Variants in PLCL1 observed in about 807,000 individuals in gnomAD.
PLCL1 encodes the protein inactive phospholipase C-like protein 1.
PLCL1 carries 41 observed loss-of-function variants against 84.4 expected under a neutral mutation model. That is an observed-to-expected ratio of 0.49 (90% CI 0.38 to 0.63). The LOEUF is 0.63. PLCL1 is among the 30% of genes least tolerant of loss of function. PLCL1 has a pLI of 0.00. For missense variants in PLCL1, 1,206 were observed against 1,367.8 expected (o/e 0.88, Z 1.87); for synonymous variants, 490 against 488.3 (o/e 1.00, Z -0.05).
chr2:197,988,393 A>C (rs1302769098), intron 1 of PLCL1, among the ~76,000 whole-genome samples: 1 of 152,012 alleles, frequency 6.6e-6, no homozygotes, highest in African/African-American at 2.4e-5. Context: ...CTTCCTTCTC[A>C]TTCTGTGTCC....
chr2:197,868,981 T>A (rs1047647483), intron 1 of PLCL1, among the ~76,000 whole-genome samples: 1 of 152,188 alleles, frequency 6.6e-6, no homozygotes, highest in Admixed American at 6.5e-5. Flanking sequence ...AGTCACATTT[T>A]AACTTAAAAA....
chr2:198,020,346 C>A (rs1691102294), intron 1 of PLCL1, among the ~76,000 whole-genome samples: 1 of 152,080 alleles, frequency 6.6e-6, no homozygotes, highest in African/African-American at 2.4e-5. Context: ...GGAAAATAAC[C>A]AGCTAGCATT....
chr2:198,011,053 G>A (rs532063687), intron 1 of PLCL1, among the ~76,000 whole-genome samples: 2 of 150,874 alleles, frequency 1.3e-5, no homozygotes, highest in South Asian at 4.2e-4. Context: ...CAATTTTGTT[G>A]TTTTTTTGGG....
At chr2:198,142,159 T>G (rs560421915) in intron 5 of PLCL1, among the ~76,000 whole-genome samples, 2 of 152,144 alleles carry the variant, frequency 1.3e-5, no homozygotes, top group Non-Finnish European at 2.9e-5. Flanking sequence ...TGCATTTTTT[T>G]GGTAAAAATG....
At chr2:197,948,033 C>A (rs1467313405) in intron 1 of PLCL1, among the ~76,000 whole-genome samples, 1 of 152,086 alleles carries the variant, frequency 6.6e-6, no homozygotes, top group African/African-American at 2.4e-5. Context: ...GTGAGGAGAA[C>A]AGTCAGAAAA....
At chr2:198,058,716 T>C (rs1692122661) in intron 1 of PLCL1, among the ~76,000 whole-genome samples, 1 of 152,070 alleles carries the variant, frequency 6.6e-6, no homozygotes, top group African/African-American at 2.4e-5. Context: ...CTTATCCAAA[T>C]ATGTGTCTTA....
intron 3 of PLCL1, among the ~76,000 whole-genome samples, chr2:198,094,818 G>A (rs1693153410): frequency 6.6e-6 from 1 of 152,102 alleles, no homozygotes; most frequent in Non-Finnish European, 1.5e-5. Context: ...CTTACGGGCA[G>A]CCCTGTTTAC....
intron 1 of PLCL1, among the ~76,000 whole-genome samples, chr2:197,889,093 T>G (rs150008419): frequency 2.8e-4 from 43 of 152,304 alleles, no homozygotes; most frequent in African/African-American, 1.0e-3. Flanking sequence ...GCTTTAAAAA[T>G]TTTTGATCTG....
At chr2:198,094,758 A>G (rs1693149546) in intron 3 of PLCL1, among the ~76,000 whole-genome samples, 2 of 152,132 alleles carry the variant, frequency 1.3e-5, no homozygotes, top group Non-Finnish European at 2.9e-5. Flanking sequence ...CAGAGGGTTC[A>G]CCAAGTCTGG....
chr2:198,043,021 A>G (rs779397629), intron 1 of PLCL1, among the ~76,000 whole-genome samples: 2 of 152,200 alleles, frequency 1.3e-5, no homozygotes, highest in African/African-American at 2.4e-5. Context: ...AATGATTTCC[A>G]AGAGAGGATA....
chr2:198,086,245 C>G lies in PLCL1; in HGVS notation c.2715+13C>G. On this transcript the variant is annotated intron_variant, in intron 2 of 5. Transcript: ENST00000428675. ...AGAAAATATGCAGGTAGGAGAAACA[C>G]TCACACTCTCCTTCCCTATCCCTGC... is the stretch of plus-strand genomic sequence containing the variant. 7.2e-7 allele frequency: 1 copy of G among 1,379,860 alleles called. No individual in the cohort carries two copies. Among genetic ancestry groups the G allele is most frequent in the Non-Finnish European group, 9.9e-7 (1 of 1,008,052 alleles). The allele number at this position is 1,379,860 out of a possible 1,614,324, so 85.5% of individuals were successfully genotyped here.
chr2:198,126,957 G>A (rs1222758816), intron 5 of PLCL1, among the ~76,000 whole-genome samples: 3 of 151,044 alleles, frequency 2.0e-5, no homozygotes, highest in African/African-American at 4.9e-5. Context: ...GGTGAGGGAC[G>A]CTGGTTTTAG....
intron 1 of PLCL1, among the ~76,000 whole-genome samples, chr2:198,043,754 G>T (rs780664657): frequency 3.3e-5 from 5 of 152,248 alleles, no homozygotes; most frequent in Non-Finnish European, 7.4e-5. Context: ...AGGTGGCAGA[G>T]AAGGGGATGG....
chr2:197,805,150 G>A lies in PLCL1; in HGVS notation c.51G>A (p.Ala17=), dbSNP rs900178481. Residue 17 remains alanine (A), a synonymous_variant, in exon 1 of 6, where the codon GCG becomes GCA. Transcript: ENST00000428675. This position sits in a 1 kb window ranked among gnomAD's most constrained non-coding sequence, Gnocchi z 4.0. The part of the protein sequence containing the change: ...GREDPAPPDA[A]GGEDDPRVGP... The stretch of plus-strand genomic sequence containing the variant: ...AGGATCCGGCGCCGCCCGACGCGGC[G>A]GGGGGCGAAGACGACCCCCGAGTGG... 5.4e-6 allele frequency: 7 copies of A among 1,307,634 alleles called. No individual in the cohort carries two copies. The African/African-American group carries it at 6.2e-5, about 12-fold the overall frequency. The allele number at this position is 1,307,634 out of a possible 1,614,324, so 81.0% of individuals were successfully genotyped here.
intron 1 of PLCL1, among the ~76,000 whole-genome samples, chr2:198,019,204 G>A (rs567667390): frequency 4.6e-5 from 7 of 152,230 alleles, no homozygotes; most frequent in South Asian, 2.1e-4. Flanking sequence ...CAAAAAGGAC[G>A]ACCATGCAAA....
intron 5 of PLCL1, among the ~76,000 whole-genome samples, chr2:198,140,560 C>T (rs1694362181): frequency 6.6e-6 from 1 of 152,058 alleles, no homozygotes; most frequent in South Asian, 2.1e-4. Flanking sequence ...GCTATTGTAA[C>T]AATGCAGGTG....
intron 1 of PLCL1, among the ~76,000 whole-genome samples, chr2:197,979,834 T>G (rs1037171517): frequency 2.0e-5 from 3 of 152,220 alleles, no homozygotes; most frequent in African/African-American, 7.2e-5. Context: ...AACTCAAGTA[T>G]TACCTCATCT....
chr2:197,915,159 T>C (rs1688569315), intron 1 of PLCL1, among the ~76,000 whole-genome samples: 1 of 152,190 alleles, frequency 6.6e-6, no homozygotes, highest in South Asian at 2.1e-4. Flanking sequence ...CCAGATGAGA[T>C]TAGAGCCTAG....
intron 1 of PLCL1, among the ~76,000 whole-genome samples, chr2:197,908,653 A>G (rs926683680): frequency 4.6e-5 from 7 of 152,348 alleles, no homozygotes; most frequent in East Asian, 3.9e-4. Context: ...CATAAATGTT[A>G]ATGAAATACC....
Sources: allele counts gnomAD v4.1 joint callset (sites outside exome capture counted in the v4.1 genomes callset), GRCh38; gene constraint gnomAD v4.1.1; non-coding constraint Gnocchi (gnomAD v3.1); transcripts MANE v1.5; gene names NCBI Gene and HGNC (gene_info 2026-07-23, HGNC 2026-07-21).